The following LRBA variants were observed in gnomAD, a reference collection of about 807,000 sequenced individuals.
LRBA encodes lipopolysaccharide-responsive and beige-like anchor protein.
Under a neutral mutation model 330.0 loss-of-function variants are expected in LRBA, and 176 were observed. The ratio of observed to expected loss-of-function variants is 0.53; its 90% CI spans 0.47 to 0.60. The LOEUF (loss-of-function observed/expected upper bound fraction) is 0.60, where lower values mean the gene tolerates loss of function less well. Among genes scored for constraint, LRBA ranks in the 20% least tolerant of loss-of-function variants. The pLI is 0.00. For missense variants in LRBA, 3,259 were observed against 3,444.8 expected (o/e 0.95, Z 1.35); for synonymous variants, 1,230 against 1,193.0 (o/e 1.03, Z -0.64).
chr4:150,275,965 G>C (rs1203946757), intron 56 of LRBA, among the ~76,000 whole-genome samples: 3 of 152,148 alleles, frequency 2.0e-5, no homozygotes, highest in Non-Finnish European at 2.9e-5. Context: ...AAAAGAGCCT[G>C]TATAGCCAAG....
chr4:150,281,236 C>T (rs1305052164), intron 55 of LRBA, among the ~76,000 whole-genome samples: 1 of 152,104 alleles, frequency 6.6e-6, no homozygotes, highest in Admixed American at 6.6e-5. Flanking sequence ...AAAAGAAAAT[C>T]CTCTGATGTG....
chr4:150,803,420 G>T (rs1473090530), intron 33 of LRBA, among the ~76,000 whole-genome samples: 1 of 151,904 alleles, frequency 6.6e-6, no homozygotes, highest in Non-Finnish European at 1.5e-5. Context: ...TAAGTTCATA[G>T]ATACTATACT....
At chr4:150,748,087 C>A (rs144092394) in intron 35 of LRBA, among the ~76,000 whole-genome samples, 2 of 152,314 alleles carry the variant, frequency 1.3e-5, no homozygotes, top group East Asian at 3.9e-4. Context: ...TCCACTCAAA[C>A]TCAAGAAATA....
intron 40 of LRBA, among the ~76,000 whole-genome samples, chr4:150,556,578 A>T (rs941705156): frequency 6.6e-6 from 1 of 152,232 alleles, no homozygotes; most frequent in African/African-American, 2.4e-5. Context: ...CATAACTCCA[A>T]TCTCTTTACT....
chr4:150,352,848 C>A (rs1737362869), intron 47 of LRBA, among the ~76,000 whole-genome samples: 1 of 152,156 alleles, frequency 6.6e-6, no homozygotes, highest in Non-Finnish European at 1.5e-5. Context: ...TAAATATGTT[C>A]AAATTAGAGC....
chr4:150,422,998 A>G (rs926093825), intron 46 of LRBA: 18 of 782,598 alleles, frequency 2.3e-5, no homozygotes, highest in African/African-American at 2.2e-4. Flanking sequence ...TGTATAAGTG[A>G]CAGGCTGAGC....
intron 3 of LRBA, 21 bp downstream of exon 3, chr4:150,928,813 G>T: frequency 1.3e-6 from 2 of 1,551,874 alleles, no homozygotes; most frequent in Non-Finnish European, 1.8e-6. Flanking sequence ...TGCATATATT[G>T]TACTATAGAA....
At chr4:150,365,992 C>G (rs931695912) in intron 47 of LRBA, among the ~76,000 whole-genome samples, 1 of 152,074 alleles carries the variant, frequency 6.6e-6, no homozygotes, top group Non-Finnish European at 1.5e-5. Context: ...TTAAATACTT[C>G]CACGTAATAA....
At chr4:150,860,365 TAA>T (rs1273725505) in intron 22 of LRBA, among the ~76,000 whole-genome samples, 1 of 152,176 alleles carries the variant, frequency 6.6e-6, no homozygotes, top group Non-Finnish European at 1.5e-5. Flanking sequence ...TTTACTCAGA[TAA>T]AAAGACTCCA....
intron 37 of LRBA, among the ~76,000 whole-genome samples, chr4:150,640,104 G>T (rs759463746): frequency 2.0e-5 from 3 of 151,224 alleles, no homozygotes; most frequent in Non-Finnish European, 4.4e-5. Flanking sequence ...CAATCGACCC[G>T]CCTTGGCCTC....
chr4:150,958,248 A>T (rs530507426), intron 2 of LRBA, among the ~76,000 whole-genome samples: 30 of 148,726 alleles, frequency 2.0e-4, no homozygotes, highest in Non-Finnish European at 4.0e-4. Flanking sequence ...AGGTTCCCAA[A>T]CCTCAGTTCT....
intron 40 of LRBA, among the ~76,000 whole-genome samples, chr4:150,502,954 G>A (rs903152330): frequency 1.3e-5 from 2 of 152,274 alleles, no homozygotes. Flanking sequence ...CTCGCTCATT[G>A]CTAGCACAGC....
intron 37 of LRBA, among the ~76,000 whole-genome samples, chr4:150,670,841 G>T (rs1781984797): frequency 6.6e-6 from 1 of 151,992 alleles, no homozygotes. Flanking sequence ...AAGAAATCTT[G>T]CTTTTACTAT....
At chr4:150,874,917 T>G (rs564454439) in intron 17 of LRBA, among the ~76,000 whole-genome samples, 1 of 152,158 alleles carries the variant, frequency 6.6e-6, no homozygotes, top group African/African-American at 2.4e-5. Context: ...ACTCTTCCTT[T>G]GCAGAGATCC....
rs371296941 is a variant in LRBA at position 150,852,698 on chromosome 4, T to C, written c.3012A>G (p.Ala1004=). 88 of 1,613,968 alleles carry C rather than the reference T, an allele frequency of 5.5e-5. No individual in the cohort carries two copies. Among genetic ancestry groups the C allele is most frequent in the Non-Finnish European group, 7.4e-5 (87 of 1,179,960 alleles). The change falls in exon 23 of 57, where the codon GCA becomes GCG. Residue 1004 remains alanine, a synonymous_variant. Coordinates refer to ENST00000651943, the MANE Select transcript of LRBA (RefSeq NM_001364905.1). ...SIEKTSSLES[A]SNIELQTTNT... ...TAGTAGTTTGCAGTTCAATATTAGA[T>C]GCAGATTCTAGTGAACTTGTCTTCT...
chr4:150,753,567 A>G (rs986458485), intron 35 of LRBA, among the ~76,000 whole-genome samples: 3 of 152,182 alleles, frequency 2.0e-5, no homozygotes, highest in African/African-American at 7.2e-5. Context: ...AAACATAAGC[A>G]TATTCTACAG....
intron 44 of LRBA, among the ~76,000 whole-genome samples, chr4:150,454,429 T>C (rs1195962238): frequency 1.3e-5 from 2 of 152,040 alleles, no homozygotes; most frequent in African/African-American, 4.8e-5. Flanking sequence ...TATGATGATT[T>C]GAACAGTTAT....
At chr4:150,546,987 A>T (rs1202022947) in intron 40 of LRBA, among the ~76,000 whole-genome samples, 1 of 152,238 alleles carries the variant, frequency 6.6e-6, no homozygotes, top group African/African-American at 2.4e-5. Context: ...TAAACAAAAC[A>T]TATTTAATTC....
intron 2 of LRBA, among the ~76,000 whole-genome samples, chr4:150,966,763 C>T (rs1738948627): frequency 6.6e-6 from 1 of 152,172 alleles, no homozygotes; most frequent in Non-Finnish European, 1.5e-5. Flanking sequence ...TTTTCCCAAA[C>T]AAGAGCACAC....
Sources: gnomAD v4.1 joint callset for allele counts (sites outside exome capture counted in the v4.1 genomes callset) on GRCh38, gnomAD v4.1.1 for gene constraint, MANE v1.5 for transcripts, NCBI Gene and HGNC (gene_info 2026-07-23, HGNC 2026-07-21) for gene names.